NXPH2: variants seen among roughly 807,000 people sequenced by gnomAD.
The protein encoded by NXPH2 is neurexophilin-2.
NXPH2 carries 5 observed loss-of-function variants against 19.8 expected under a neutral mutation model. That is an observed-to-expected ratio of 0.25 (90% confidence interval 0.13 to 0.53). NXPH2 has a LOEUF of 0.53. Among genes scored for constraint, NXPH2 ranks in the 20% least tolerant of loss-of-function variants. The pLI is 0.96. For synonymous variants in NXPH2, 154 were observed against 127.4 expected (o/e 1.21, Z -1.41); for missense variants, 289 against 322.8 (o/e 0.90, Z 0.80).
At chr2:138,779,728 G>C (rs1409779680) in intron 1 of NXPH2, among the ~76,000 whole-genome samples, 1 of 152,180 alleles carries the variant, frequency 6.6e-6, no homozygotes, top group African/African-American at 2.4e-5. Flanking sequence ...TGAGAACGAG[G>C]ATGCATGCAC....
chr2:138,760,282 C>G (rs758340455), intron 1 of NXPH2, among the ~76,000 whole-genome samples: 5 of 152,126 alleles, frequency 3.3e-5, no homozygotes, highest in Non-Finnish European at 7.4e-5. Context: ...ATCTGCAAAC[C>G]GTCTCCATTG....
intron 1 of NXPH2, among the ~76,000 whole-genome samples, chr2:138,690,634 C>A (rs1452577803): frequency 6.6e-6 from 1 of 151,586 alleles, no homozygotes; most frequent in African/African-American, 2.4e-5. Flanking sequence ...TCTCTTAAGA[C>A]ACATTAATGT....
intron 1 of NXPH2, among the ~76,000 whole-genome samples, chr2:138,779,270 T>C (rs1682312441): frequency 6.6e-6 from 1 of 152,202 alleles, no homozygotes; most frequent in Non-Finnish European, 1.5e-5. Flanking sequence ...CCATCACAGA[T>C]GCTGACCCAG....
chr2:138,698,518 A>G (rs1333433000), intron 1 of NXPH2, among the ~76,000 whole-genome samples: 5 of 152,154 alleles, frequency 3.3e-5, no homozygotes, highest in Non-Finnish European at 7.3e-5. Flanking sequence ...GAACTAAAAT[A>G]TTCCCAGATG....
At chr2:138,753,914 TCC>T (rs1681862150) in intron 1 of NXPH2, among the ~76,000 whole-genome samples, 1 of 152,148 alleles carries the variant, frequency 6.6e-6, no homozygotes, top group Non-Finnish European at 1.5e-5. Flanking sequence ...TTTTACAGAC[TCC>T]ACTCATCATT....
At chr2:138,730,290 C>T (rs2104999187) in intron 1 of NXPH2, among the ~76,000 whole-genome samples, 1 of 152,074 alleles carries the variant, frequency 6.6e-6, no homozygotes, top group Non-Finnish European at 1.5e-5. Flanking sequence ...CAACTCCTGG[C>T]CTCAAGTGAT....
chr2:138,748,396 C>T (rs1681774568), intron 1 of NXPH2, among the ~76,000 whole-genome samples: 1 of 152,140 alleles, frequency 6.6e-6, no homozygotes, highest in Non-Finnish European at 1.5e-5. Flanking sequence ...AATGAGGCAT[C>T]CTGTTGCCCA....
At chr2:138,704,081 T>A (rs757703252) in intron 1 of NXPH2, among the ~76,000 whole-genome samples, 12 of 152,202 alleles carry the variant, frequency 7.9e-5, no homozygotes, top group Non-Finnish European at 1.8e-4. Flanking sequence ...AAAACCTAGA[T>A]CAGAGTCAGC....
intron 1 of NXPH2, 117 bp downstream of exon 1, chr2:138,780,074 G>C: frequency 9.9e-7 from 1 of 1,012,906 alleles, no homozygotes; most frequent in Middle Eastern, 2.4e-4. Flanking sequence ...CCCTCCGCGC[G>C]CCCCCAACCC....
At chr2:138,676,979 A>G (rs1275824515) in intron 1 of NXPH2, among the ~76,000 whole-genome samples, 1 of 152,080 alleles carries the variant, frequency 6.6e-6, no homozygotes, top group East Asian at 1.9e-4. Flanking sequence ...TTTGATTCCA[A>G]TCTACTACAT....
intron 1 of NXPH2, among the ~76,000 whole-genome samples, chr2:138,711,436 C>T (rs575078617): frequency 1.1e-4 from 17 of 152,150 alleles, no homozygotes; most frequent in South Asian, 4.2e-4. Context: ...CCACCGCGCC[C>T]GGCCCCTGTC....
intron 1 of NXPH2, among the ~76,000 whole-genome samples, chr2:138,680,568 A>G (rs1680564877): frequency 6.6e-6 from 1 of 152,220 alleles, no homozygotes; most frequent in Non-Finnish European, 1.5e-5. Flanking sequence ...TCACCTAGTC[A>G]TAGTTCTCAT....
chr2:138,675,855 G>A (rs11692988), intron 1 of NXPH2, among the ~76,000 whole-genome samples: 109,807 of 152,060 alleles, frequency 0.72, 40,341 homozygotes, highest in African/African-American at 0.82. Flanking sequence ...GTAATAAAAA[G>A]TAATAAAATT....
At chr2:138,718,830 T>C (rs1681233109) in intron 1 of NXPH2, among the ~76,000 whole-genome samples, 1 of 152,168 alleles carries the variant, frequency 6.6e-6, no homozygotes, top group Non-Finnish European at 1.5e-5. Context: ...AATTAACCTA[T>C]AGACTACACA....
At chr2:138,720,279 C>T (rs1681258004) in intron 1 of NXPH2, among the ~76,000 whole-genome samples, 1 of 152,200 alleles carries the variant, frequency 6.6e-6, no homozygotes, top group Admixed American at 6.5e-5. Flanking sequence ...TGTCTTCTTA[C>T]ATACAATCCT....
At chr2:138,747,035 T>A (rs958862675) in intron 1 of NXPH2, among the ~76,000 whole-genome samples, 1 of 152,166 alleles carries the variant, frequency 6.6e-6, no homozygotes, top group African/African-American at 2.4e-5. Flanking sequence ...ATACATTATA[T>A]TCCCCTCCCA....
chr2:138,767,210 T>C (rs918530132), intron 1 of NXPH2, among the ~76,000 whole-genome samples: 1 of 152,248 alleles, frequency 6.6e-6, no homozygotes, highest in Non-Finnish European at 1.5e-5. Flanking sequence ...GAAGCTGATA[T>C]AACGTCAGTG....
intron 1 of NXPH2, among the ~76,000 whole-genome samples, chr2:138,679,957 T>A (rs1680547918): frequency 6.6e-6 from 1 of 152,036 alleles, no homozygotes; most frequent in Non-Finnish European, 1.5e-5. Flanking sequence ...ATCAAATCAG[T>A]GCATTGCAGA....
chr2:138,718,586 G>T (rs1164901885), intron 1 of NXPH2, among the ~76,000 whole-genome samples: 3 of 152,216 alleles, frequency 2.0e-5, no homozygotes, highest in African/African-American at 7.2e-5. Flanking sequence ...TATATTATGA[G>T]TCAGAAAGGT....
Sources: allele counts gnomAD v4.1 joint callset (sites outside exome capture counted in the v4.1 genomes callset), GRCh38; gene constraint gnomAD v4.1.1; transcripts MANE v1.5; gene names NCBI Gene and HGNC (gene_info 2026-07-23, HGNC 2026-07-21).